The following PLEKHA5 variants were observed in gnomAD, a reference collection of about 807,000 sequenced individuals.
PLEKHA5 encodes pleckstrin homology domain containing A5, also known as pleckstrin homology domain-containing family A member 5.
A neutral mutation model predicts 181.9 loss-of-function variants in PLEKHA5; 55 were observed. That is an observed-to-expected ratio of 0.30 (90% CI 0.24 to 0.38). The LOEUF is 0.38. Among genes scored for constraint, PLEKHA5 ranks in the 10% least tolerant of loss-of-function variants. PLEKHA5 has a pLI of 1.00. For synonymous variants in PLEKHA5, 535 were observed against 529.4 expected (o/e 1.01, Z -0.15); for missense variants, 1,432 against 1,549.5 (o/e 0.92, Z 1.27).
At chr12:19,171,408 C>T (rs969279878) in intron 3 of PLEKHA5, among the ~76,000 whole-genome samples, 3 of 152,066 alleles carry the variant, frequency 2.0e-5, no homozygotes, top group Non-Finnish European at 4.4e-5. Flanking sequence ...ATAGATTTAC[C>T]AAGCTTAAGA....
rs1191328947 is a variant in PLEKHA5, at chr12:19,291,653, C to G, written c.1993C>G (p.Leu665Val). The change falls in exon 15 of 32, where the codon CTT becomes GTT. Residue 665 changes from leucine (L) to valine (V), a missense_variant. Leu to Val is a conservative substitution (Grantham distance 32, BLOSUM62 1). Coordinates refer to ENST00000429027, the MANE Select transcript of PLEKHA5 (RefSeq NM_001256470.2). ...AATTGGTGCCTACTAGAATGAAATT[C>G]TTTCACATCATCTCCAAAGGAACAC... ...LEAHSPKNEILSHHLQRNTIY... is the reference protein window; with the variant it reads ...LEAHSPKNEIVSHHLQRNTIY... 6.6e-7 allele frequency: 1 copy of G among 1,513,850 alleles called. No individual in the cohort carries two copies. Among genetic ancestry groups the G allele is most frequent in the African/African-American group, 1.4e-5 (1 of 72,610 alleles). 93.8% of individuals were successfully genotyped at this position (1,513,850 alleles called of 1,614,324 possible). A position where few individuals can be genotyped will look rare whatever the true frequency, so the allele number is the denominator to read the frequency against.
intron 20 of PLEKHA5, among the ~76,000 whole-genome samples, chr12:19,329,525 T>C (rs1374476094): frequency 6.6e-6 from 1 of 152,172 alleles, no homozygotes; most frequent in Non-Finnish European, 1.5e-5. Context: ...AATATTGGTC[T>C]GTTAAGTGTT....
intron 3 of PLEKHA5, among the ~76,000 whole-genome samples, chr12:19,253,128 G>A (rs2065858715): frequency 8.0e-6 from 1 of 125,688 alleles, no homozygotes; most frequent in Non-Finnish European, 1.6e-5. Flanking sequence ...AGAGTGGAGT[G>A]CAGTGGCACA....
chr12:19,164,642 T>C (rs937619342), intron 3 of PLEKHA5, among the ~76,000 whole-genome samples: 1 of 152,204 alleles, frequency 6.6e-6, no homozygotes, highest in African/African-American at 2.4e-5. Context: ...AACATCTCTG[T>C]GCTTCTCTGA....
intron 28 of PLEKHA5, among the ~76,000 whole-genome samples, chr12:19,359,921 G>A (rs1394300519): frequency 4.6e-5 from 7 of 151,664 alleles, no homozygotes; most frequent in Non-Finnish European, 7.4e-5. Context: ...AGCCGAGATC[G>A]CGCCACTACA....
At chr12:19,302,039 G>C (rs2081619908) in intron 15 of PLEKHA5, among the ~76,000 whole-genome samples, 1 of 152,124 alleles carries the variant, frequency 6.6e-6, no homozygotes, top group South Asian at 2.1e-4. Flanking sequence ...TTTTAGTTTT[G>C]CTGCACATCT....
chr12:19,305,847 G>T (rs2083211905), intron 15 of PLEKHA5, among the ~76,000 whole-genome samples: 1 of 52,568 alleles, frequency 1.9e-5, no homozygotes, highest in Non-Finnish European at 3.6e-5. Context: ...GGCAACAACA[G>T]CAAAACTCCA....
At chr12:19,348,628 C>A in intron 25 of PLEKHA5, 109 bp downstream of exon 25, 1 of 715,742 alleles carries the variant, frequency 1.4e-6, no homozygotes. Flanking sequence ...TGAGTCCAAC[C>A]CTTTATCTGA....
intron 11 of PLEKHA5, among the ~76,000 whole-genome samples, chr12:19,278,191 A>C (rs2075121087): frequency 6.6e-6 from 1 of 152,222 alleles, no homozygotes; most frequent in African/African-American, 2.4e-5. Context: ...CAAAGATGAC[A>C]GAAGAGCCTT....
intron 3 of PLEKHA5, among the ~76,000 whole-genome samples, chr12:19,146,571 CTG>C (rs2038977201): frequency 1.3e-5 from 2 of 152,176 alleles, no homozygotes; most frequent in Non-Finnish European, 2.9e-5. Context: ...TGCTGTCAAT[CTG>C]TGTCTTACAT....
rs1441202955 is a variant in PLEKHA5, at chr12:19,375,589, A to G, written c.*70A>G. 1 of 152,628 alleles carries G rather than the reference A, an allele frequency of 6.6e-6. No homozygotes were observed. The highest frequency in any genetic ancestry group is 1.5e-5 in the Non-Finnish European group (1 of 68,044). The allele number at this position is 152,628 out of a possible 1,614,324, so 9.5% of individuals were successfully genotyped here. Reference sequence around the variant, plus strand: ...AAAGACATGGACCTTCAGCAGTGTAAGAAGATATTGTACAGTATATTTTAA... The same window carrying G: ...AAAGACATGGACCTTCAGCAGTGTAGGAAGATATTGTACAGTATATTTTAA... On this transcript the variant is annotated 3_prime_UTR_variant, in exon 32 of 32. Coordinates refer to ENST00000429027, the MANE Select transcript of PLEKHA5 (RefSeq NM_001256470.2).
intron 15 of PLEKHA5, chr12:19,307,089 G>A: frequency 8.7e-7 from 1 of 1,153,880 alleles, no homozygotes; most frequent in Non-Finnish European, 1.3e-6. Context: ...GATAGTTGCT[G>A]AAGCTTATGA....
At chr12:19,250,887 C>T (rs150183717) in intron 3 of PLEKHA5, among the ~76,000 whole-genome samples, 4 of 152,056 alleles carry the variant, frequency 2.6e-5, no homozygotes, top group African/African-American at 7.2e-5. Flanking sequence ...AAACAAAAAA[C>T]GCAGGGCTTG....
Position 19,253,064 on chromosome 12 carries a change from C to CTTTTTTTTTTTTTTTTTTTTTT in PLEKHA5, c.228-871_228-850dup. Among the ~76,000 whole-genome samples, 264 of 45,876 alleles carry CTTTTTTTTTTTTTTTTTTTTTT rather than the reference C, an allele frequency of 5.8e-3. 77 individuals carry two copies. Among genetic ancestry groups the CTTTTTTTTTTTTTTTTTTTTTT allele is most frequent in the Middle Eastern group, 0.038 (1 of 26 alleles). The allele number at this position is 45,876 out of a possible 152,430, so 30.1% of individuals were successfully genotyped here. ...GAGCTAAACAGCCAAATCAACTTAC[C>CTTTTTTTTTTTTTTTTTTTTTT]TTTTTTTTTTTTTTTTTTTTTTTTT... is the stretch of plus-strand genomic sequence containing the variant. On this transcript the variant is annotated intron_variant, in intron 3 of 31. Coordinates refer to ENST00000429027, the MANE Select transcript of PLEKHA5 (RefSeq NM_001256470.2).
At chr12:19,225,449 T>G (rs148011622) in intron 3 of PLEKHA5, among the ~76,000 whole-genome samples, 58 of 152,300 alleles carry the variant, frequency 3.8e-4, no homozygotes, top group Non-Finnish European at 7.6e-4. Flanking sequence ...GGTTTTAGTT[T>G]TAGCATTTGT....
chr12:19,130,371 C>T lies in PLEKHA5; in HGVS notation c.169+241C>T, dbSNP rs2033204132. Among the ~76,000 whole-genome samples the T allele has an allele frequency of 6.6e-6, 1 of 151,996 alleles. No homozygotes were observed. The highest frequency in any genetic ancestry group is 1.5e-5 in the Non-Finnish European group (1 of 67,972). ...CATCAGCACTTGGAGACGGCGCCCT[C>T]TTCCTGCGCCTTCTCCCCCCATCCC... On this transcript the variant is annotated intron_variant, in intron 2 of 31. Coordinates refer to ENST00000429027, the MANE Select transcript of PLEKHA5 (RefSeq NM_001256470.2). This position sits in a 1 kb window ranked among gnomAD's most constrained non-coding sequence, Gnocchi z 4.5.
At chr12:19,356,779 G>T (rs2094955111) in intron 26 of PLEKHA5, among the ~76,000 whole-genome samples, 1 of 149,276 alleles carries the variant, frequency 6.7e-6, no homozygotes, top group South Asian at 2.2e-4. Context: ...TCCTGCCTCG[G>T]CCTCCCGAGT....
intron 8 of PLEKHA5, among the ~76,000 whole-genome samples, chr12:19,269,409 AAG>A (rs1491446474): frequency 1.3e-5 from 2 of 151,626 alleles, no homozygotes; most frequent in African/African-American, 2.4e-5. Flanking sequence ...AAAAAAAAAA[AAG>A]GTGTGAATTG....
intron 10 of PLEKHA5, among the ~76,000 whole-genome samples, chr12:19,273,558 C>T (rs1016903917): frequency 1.3e-5 from 2 of 152,060 alleles, no homozygotes; most frequent in Non-Finnish European, 2.9e-5. Flanking sequence ...CCTGAGAGGC[C>T]TCCTAGAGTG....
Sources: allele counts gnomAD v4.1 joint callset (sites outside exome capture counted in the v4.1 genomes callset), GRCh38; gene constraint gnomAD v4.1.1; non-coding constraint Gnocchi (gnomAD v3.1); transcripts MANE v1.5; gene names NCBI Gene and HGNC (gene_info 2026-07-23, HGNC 2026-07-21).